GFPT1: variants seen among roughly 807,000 people sequenced by gnomAD.
GFPT1 encodes glutamine--fructose-6-phosphate aminotransferase [isomerizing] 1.
GFPT1 carries 40 observed loss-of-function variants against 92.0 expected under a neutral mutation model. The observed-to-expected ratio is 0.43, with a 90% CI of 0.34 to 0.57. The LOEUF (loss-of-function observed/expected upper bound fraction) is 0.57. Ranked by LOEUF, GFPT1 falls within the 20% of genes least tolerant of loss-of-function variation. The probability of loss-of-function intolerance (pLI) is 0.02; values close to 1 mark genes in which losing one functional copy is unlikely to be tolerated. For missense variants in GFPT1, 448 were observed against 869.1 expected, an observed-to-expected ratio of 0.52 and a Z score of 6.09; for synonymous variants, 269 against 280.6, an observed-to-expected ratio of 0.96 and a Z score of 0.41.
At chr2:69,384,112 T>C (rs1672070453) in intron 1 of GFPT1, among the ~76,000 whole-genome samples, 1 of 152,082 alleles carries the variant, frequency 6.6e-6, no homozygotes, top group South Asian at 2.1e-4. Context: ...GAAGATAAAA[T>C]AAATTTGGAA....
rs1374038334 is a variant in GFPT1, at chr2:69,345,852, A to G, written c.1105+52T>C. On this transcript the variant is annotated intron_variant, in intron 12 of 19. Coordinates refer to ENST00000357308, the MANE Select transcript of GFPT1 (RefSeq NM_001244710.2). ...AATGAACTTTCAGGTTGTTAATGGC[A>G]CCTCCTACTGTCAGAGACACTGAAA... The G allele has an allele frequency of 2.1e-5, 21 of 999,950 alleles. No individual in the cohort carries two copies. In the East Asian group the frequency reaches 4.8e-4, roughly 23 times the overall value. 61.9% of individuals were successfully genotyped at this position (999,950 alleles called of 1,614,324 possible). A position where few individuals can be genotyped will look rare whatever the true frequency, so the allele number is the denominator to read the frequency against.
intron 9 of GFPT1, among the ~76,000 whole-genome samples, chr2:69,353,774 A>T (rs1671268509): frequency 6.6e-6 from 1 of 152,234 alleles, no homozygotes; most frequent in Admixed American, 6.5e-5. Context: ...ACACATAAAC[A>T]ATATAAAAGA....
intron 4 of GFPT1, among the ~76,000 whole-genome samples, chr2:69,360,557 G>A (rs1276174346): frequency 6.6e-6 from 1 of 150,956 alleles, no homozygotes; most frequent in East Asian, 1.9e-4. Flanking sequence ...TTCCACATCA[G>A]CCTTCCAAGC....
Position 69,349,036 on chromosome 2 carries a change from T to TC in GFPT1, c.846-703dup, listed in dbSNP as rs1296110142. Among the ~76,000 whole-genome samples, 3 of 152,108 alleles carry TC rather than the reference T, an allele frequency of 2.0e-5. No individual in the cohort carries two copies. In the East Asian group the frequency reaches 5.8e-4, roughly 29 times the overall value. On this transcript the variant is annotated intron_variant, in intron 10 of 19. Transcript: ENST00000357308. ...ACCTGTTAACCTAATTAACTCCTAATCTCTCCTTAACTCTCAGTTCAAACA... is the reference window on the plus strand; with the variant it reads ...ACCTGTTAACCTAATTAACTCCTAATCCTCTCCTTAACTCTCAGTTCAAACA...
Position 69,345,830 on chromosome 2 carries a change from G to A in GFPT1, c.1105+74C>T, listed in dbSNP as rs1464356301. ...GTTCTACAAGGCTATTAAGGGCAAT[G>A]AACTTTCAGGTTGTTAATGGCACCT... On this transcript the variant is annotated intron_variant, in intron 12 of 19. Coordinates refer to ENST00000357308, the MANE Select transcript of GFPT1 (RefSeq NM_001244710.2). 3 of 854,660 alleles carry A rather than the reference G, an allele frequency of 3.5e-6. No individual in the cohort carries two copies. The South Asian group carries it at 4.0e-5, about 12-fold the overall frequency. 52.9% of individuals were successfully genotyped at this position (854,660 alleles called of 1,614,324 possible).
intron 1 of GFPT1, among the ~76,000 whole-genome samples, chr2:69,381,930 C>T (rs1463357988): frequency 6.7e-6 from 1 of 150,234 alleles, no homozygotes; most frequent in Non-Finnish European, 1.5e-5. Context: ...GTGGCGTGTT[C>T]TCAGCTCACT....
At chr2:69,378,801 A>G (rs570237738) in intron 1 of GFPT1, among the ~76,000 whole-genome samples, 43 of 152,270 alleles carry the variant, frequency 2.8e-4, no homozygotes, top group African/African-American at 1.0e-3. Context: ...ATATTTTGGG[A>G]CCCTAAACAT....
At chr2:69,359,898 T>G (rs1671425130) in intron 4 of GFPT1, among the ~76,000 whole-genome samples, 1 of 152,218 alleles carries the variant, frequency 6.6e-6, no homozygotes, top group African/African-American at 2.4e-5. Context: ...AACATAAATG[T>G]TAAAATATCA....
chr2:69,387,181 G>A lies in GFPT1; in HGVS notation c.-110C>T, dbSNP rs1672150567. ...CGGGCTCGGGGGCCGGGGTGGCGCC[G>A]ACACGACTCCCTCGGGGATGCGACG... On this transcript the variant is annotated 5_prime_UTR_variant, in exon 1 of 20. Transcript: ENST00000357308. 5 of 1,237,762 alleles carry A rather than the reference G, an allele frequency of 4.0e-6. No homozygotes were observed. Among genetic ancestry groups the A allele is most frequent in the East Asian group, 6.0e-5 (2 of 33,070 alleles). 76.7% of individuals were successfully genotyped at this position (1,237,762 alleles called of 1,614,324 possible). A position where few individuals can be genotyped will look rare whatever the true frequency, so the allele number is the denominator to read the frequency against.
At chr2:69,340,029 GA>G (rs1402954427) in intron 13 of GFPT1, among the ~76,000 whole-genome samples, 2 of 150,962 alleles carry the variant, frequency 1.3e-5, no homozygotes, top group Non-Finnish European at 2.9e-5. Flanking sequence ...AAAGAAGAGA[GA>G]AAGATAGAAA....
At position 69,323,488 on chromosome 2, in the gene GFPT1, A is replaced by G. The variant is rs1670460594; in HGVS notation, c.*2701T>C. 6.6e-6 allele frequency: 1 copy of G among 152,040 alleles called. No homozygotes were observed. The highest frequency in any genetic ancestry group is 6.6e-5 in the Admixed American group (1 of 15,244). 9.4% of individuals were successfully genotyped at this position (152,040 alleles called of 1,614,324 possible). ...GATAGAGAGTAAGAAGACAGGAGAGAGAGGAGAAACCATGTTTTTTGTTTT... is the reference window on the plus strand; with the variant it reads ...GATAGAGAGTAAGAAGACAGGAGAGGGAGGAGAAACCATGTTTTTTGTTTT... On this transcript the variant is annotated 3_prime_UTR_variant, in exon 20 of 20. Transcript: ENST00000357308.
chr2:69,340,374 T>C (rs1443505272), intron 13 of GFPT1, among the ~76,000 whole-genome samples: 4 of 152,222 alleles, frequency 2.6e-5, no homozygotes, highest in African/African-American at 9.6e-5. Flanking sequence ...TCCATCACAA[T>C]AGAGTAACTT....
intron 1 of GFPT1, among the ~76,000 whole-genome samples, chr2:69,380,778 G>A (rs1267320666): frequency 6.6e-6 from 1 of 152,148 alleles, no homozygotes; most frequent in African/African-American, 2.4e-5. Context: ...CAGCCAAGGA[G>A]AACTCATCTA....
chr2:69,329,497 C>T (rs927286052), intron 16 of GFPT1, 73 bp from the exon 17 acceptor site: 5 of 1,207,896 alleles, frequency 4.1e-6, no homozygotes, highest in African/African-American at 1.5e-5. Flanking sequence ...CAGCAAATAA[C>T]AAAAGACCAG....
chr2:69,356,235 C>T (rs1337797275), intron 7 of GFPT1, among the ~76,000 whole-genome samples: 1 of 152,084 alleles, frequency 6.6e-6, no homozygotes, highest in Non-Finnish European at 1.5e-5. Context: ...CTCAGATGAT[C>T]CGCCTGCCTC....
intron 2 of GFPT1, among the ~76,000 whole-genome samples, chr2:69,370,835 T>G (rs931870178): frequency 1.3e-5 from 2 of 151,934 alleles, no homozygotes; most frequent in Non-Finnish European, 2.9e-5. Context: ...TGTTGAATGA[T>G]TCTCAATAAA....
chr2:69,356,510 T>C lies in GFPT1; in HGVS notation c.591A>G (p.Gln197=), dbSNP rs1671342325. The change falls in exon 7 of 20, where the codon CAA becomes CAG. Residue 197 remains glutamine, a synonymous_variant. Coordinates refer to ENST00000357308, the MANE Select transcript of GFPT1 (RefSeq NM_001244710.2). ...LVFKSVHFPG[Q]AVGTRRGSPL... is the part of the protein sequence containing the mutation. ...GTTATATGTACCTTGTGCCAACTGC[T>C]TGCCCGGGAAAATGAACACTTTTAA... 1.9e-6 allele frequency: 3 copies of C among 1,612,972 alleles called. No homozygotes were observed. The highest frequency in any genetic ancestry group is 1.7e-6 in the Non-Finnish European group (2 of 1,178,910).
chr2:69,351,040 T>G (rs1035033419), intron 9 of GFPT1, among the ~76,000 whole-genome samples: 1 of 152,192 alleles, frequency 6.6e-6, no homozygotes, highest in Non-Finnish European at 1.5e-5. Flanking sequence ...TAATTCTGAT[T>G]TGAAAACAAA....
intron 7 of GFPT1, 50 bp downstream of exon 7, chr2:69,356,445 TG>T: frequency 8.0e-7 from 1 of 1,255,310 alleles, no homozygotes; most frequent in South Asian, 1.2e-5. Flanking sequence ...AGAATAAACA[TG>T]TAACTCAAAT....
Sources: gnomAD v4.1 joint callset for allele counts (sites outside exome capture counted in the v4.1 genomes callset) on GRCh38, gnomAD v4.1.1 for gene constraint, MANE v1.5 for transcripts, NCBI Gene and HGNC (gene_info 2026-07-23, HGNC 2026-07-21) for gene names.